Variants in PARD3B observed in about 807,000 individuals in gnomAD.
PARD3B encodes partitioning defective 3 homolog B.
PARD3B carries 103 observed loss-of-function variants against 130.2 expected under a neutral mutation model. That is an observed-to-expected ratio of 0.79 (90% CI 0.67 to 0.93). The LOEUF (loss-of-function observed/expected upper bound fraction) is 0.93. Among genes scored for constraint, PARD3B ranks in the 40% least tolerant of loss-of-function variants. The pLI, the probability that PARD3B is intolerant of heterozygous loss-of-function variation, is 0.00. For synonymous variants in PARD3B, 583 were observed against 553.2 expected (o/e 1.05, Z -0.76); for missense variants, 1,609 against 1,499.2 (o/e 1.07, Z -1.21).
At chr2:204,818,921 G>A (rs1259829222) in intron 2 of PARD3B, among the ~76,000 whole-genome samples, 2 of 152,144 alleles carry the variant, frequency 1.3e-5, no homozygotes, top group Non-Finnish European at 2.9e-5. Flanking sequence ...GTATGTTGAA[G>A]TGCGTTTTGG....
intron 3 of PARD3B, among the ~76,000 whole-genome samples, chr2:204,992,160 T>C (rs1693768294): frequency 2.0e-5 from 3 of 150,762 alleles, no homozygotes; most frequent in Non-Finnish European, 4.4e-5. Flanking sequence ...CCCACGCCTA[T>C]GTCCTGAATG....
intron 20 of PARD3B, among the ~76,000 whole-genome samples, chr2:205,495,612 G>A (rs187067319): frequency 1.9e-4 from 29 of 152,220 alleles, no homozygotes; most frequent in Admixed American, 1.5e-3. Context: ...TAGAACAAAC[G>A]ACATATAAAT....
intron 2 of PARD3B, among the ~76,000 whole-genome samples, chr2:204,908,530 A>G (rs898178471): frequency 6.6e-6 from 1 of 152,202 alleles, no homozygotes; most frequent in Non-Finnish European, 1.5e-5. Context: ...AATCACTACT[A>G]TACTTTTCTT....
intron 4 of PARD3B, among the ~76,000 whole-genome samples, chr2:205,056,612 T>C (rs1405900991): frequency 1.3e-5 from 2 of 151,926 alleles, no homozygotes; most frequent in Non-Finnish European, 2.9e-5. Context: ...TTGCTACTTT[T>C]AGCAAATCTT....
Position 205,274,578 on chromosome 2 carries a change from A to G in PARD3B, c.2186-25952A>G, listed in dbSNP as rs2040866594. On this transcript the variant is annotated intron_variant, in intron 16 of 22. Transcript: ENST00000406610. This position sits in a 1 kb window ranked among gnomAD's most constrained non-coding sequence, Gnocchi z 4.2. ...CCTTTCCTGATATCCCTTAATTTACATGGTATACTTTTACATTGATTTTTT... is the reference window on the plus strand; with the variant it reads ...CCTTTCCTGATATCCCTTAATTTACGTGGTATACTTTTACATTGATTTTTT... Among the ~76,000 whole-genome samples the G allele has an allele frequency of 6.6e-6, 1 of 151,794 alleles. No homozygotes were observed. Among genetic ancestry groups the G allele is most frequent in the South Asian group, 2.1e-4 (1 of 4,806 alleles).
At position 204,669,082 on chromosome 2, in the gene PARD3B, C is replaced by T. The variant is rs79023958; in HGVS notation, c.121-17099C>T. Among the ~76,000 whole-genome samples the T allele has an allele frequency of 1.3e-3, 192 of 152,260 alleles. 3 individuals are homozygous for T. The highest frequency in any genetic ancestry group is 4.5e-3 in the African/African-American group (185 of 41,550). ...CTTGATGTTCACCTAGTAAGATCCA[C>T]GCCTGACTTCAGGCCTGCAGAATTA... On this transcript the variant is annotated intron_variant, in intron 1 of 22. Coordinates refer to ENST00000406610, the MANE Select transcript of PARD3B (RefSeq NM_001302769.2). This position sits in a 1 kb window ranked among gnomAD's most constrained non-coding sequence, Gnocchi z 4.3.
In PARD3B at chr2:205,548,157, G is replaced by T. The variant is rs182193312; in HGVS notation, c.3181-5167G>T. The stretch of plus-strand genomic sequence containing the variant: ...TTAAATGATGGTGTTCCTAAGAATA[G>T]TATTAGTGTTCCTCTCTCTTCTCAT... On this transcript the variant is annotated intron_variant, in intron 21 of 22. Transcript: ENST00000406610. Among the ~76,000 whole-genome samples the T allele has an allele frequency of 4.5e-3, 677 of 152,124 alleles. 6 individuals are homozygous for T. The highest frequency in any genetic ancestry group is 8.0e-3 in the Non-Finnish European group (544 of 68,030).
chr2:204,758,609 C>T (rs1033677498), intron 2 of PARD3B, among the ~76,000 whole-genome samples: 2 of 152,092 alleles, frequency 1.3e-5, no homozygotes, highest in African/African-American at 2.4e-5. Context: ...AACGTTTCTC[C>T]AGGTATGAGT....
intron 2 of PARD3B, among the ~76,000 whole-genome samples, chr2:204,897,575 G>T (rs1575243361): frequency 6.6e-6 from 1 of 151,988 alleles, no homozygotes; most frequent in East Asian, 1.9e-4. Flanking sequence ...TTATCCAGTT[G>T]CCTCTAATTG....
chr2:205,031,480 A>G (rs1697419881), intron 3 of PARD3B, among the ~76,000 whole-genome samples: 1 of 152,200 alleles, frequency 6.6e-6, no homozygotes. Context: ...GGCTTGTCTC[A>G]GGAACCATTT....
chr2:204,924,723 AT>A (rs1437895703), intron 2 of PARD3B, among the ~76,000 whole-genome samples: 3 of 152,108 alleles, frequency 2.0e-5, no homozygotes, highest in African/African-American at 4.8e-5. Flanking sequence ...TTTAAATTTA[AT>A]GTAAAAGTTG....
At chr2:205,613,668 A>G (rs945517532) in intron 22 of PARD3B, among the ~76,000 whole-genome samples, 2 of 152,232 alleles carry the variant, frequency 1.3e-5, no homozygotes, top group East Asian at 3.8e-4. Flanking sequence ...TTTTATCTGA[A>G]AACTCTAACT....
At chr2:204,964,465 T>C (rs1009586548) in intron 2 of PARD3B, among the ~76,000 whole-genome samples, 5 of 152,204 alleles carry the variant, frequency 3.3e-5, no homozygotes, top group Non-Finnish European at 7.3e-5. Flanking sequence ...TAAAATAAGA[T>C]TGACATATAA....
At chr2:205,330,346 A>C (rs1195531352) in intron 18 of PARD3B, among the ~76,000 whole-genome samples, 1 of 152,164 alleles carries the variant, frequency 6.6e-6, no homozygotes, top group African/African-American at 2.4e-5. Context: ...ACCCCAAAAA[A>C]AAAATTATTA....
chr2:205,184,352 A>C lies in PARD3B; in HGVS notation c.1925-1412A>C, dbSNP rs2035972825. Among the ~76,000 whole-genome samples, 3 of 152,340 alleles carry C rather than the reference A, an allele frequency of 2.0e-5. No individual in the cohort carries two copies. The South Asian group carries it at 6.2e-4, about 32-fold the overall frequency. The stretch of plus-strand genomic sequence containing the variant: ...ACAAATCAGGTACATATCTTATCAA[A>C]TATGTCACTGTAATAGATACAAGTA... On this transcript the variant is annotated intron_variant, in intron 13 of 22. Transcript: ENST00000406610.
At chr2:205,089,677 C>T (rs1701980163) in intron 4 of PARD3B, among the ~76,000 whole-genome samples, 1 of 152,186 alleles carries the variant, frequency 6.6e-6, no homozygotes, top group Non-Finnish European at 1.5e-5. Flanking sequence ...TCCAAAATCT[C>T]ATTGATTCTC....
At chr2:204,815,885 A>G (rs536013922) in intron 2 of PARD3B, among the ~76,000 whole-genome samples, 168 of 152,178 alleles carry the variant, frequency 1.1e-3, no homozygotes, top group African/African-American at 3.7e-3. Context: ...CTTGTGTGAC[A>G]TGAATGCTTT....
intron 16 of PARD3B, among the ~76,000 whole-genome samples, chr2:205,267,405 C>G (rs1036349925): frequency 2.0e-5 from 3 of 152,174 alleles, no homozygotes; most frequent in Non-Finnish European, 2.9e-5. Flanking sequence ...ACAGTAACCT[C>G]TGAAATAGAA....
intron 21 of PARD3B, among the ~76,000 whole-genome samples, chr2:205,504,833 G>A (rs951510342): frequency 2.2e-4 from 33 of 152,294 alleles, no homozygotes; most frequent in Non-Finnish European, 4.0e-4. Context: ...TCAGTGTGGC[G>A]ATTCCTCAGG....
Sources: allele counts gnomAD v4.1 joint callset (sites outside exome capture counted in the v4.1 genomes callset), GRCh38; gene constraint gnomAD v4.1.1; non-coding constraint Gnocchi (gnomAD v3.1); transcripts MANE v1.5; gene names NCBI Gene and HGNC (gene_info 2026-07-23, HGNC 2026-07-21).